The following ANKRD30A variants were observed in gnomAD, a reference collection of about 807,000 sequenced individuals.
The protein encoded by ANKRD30A is ankyrin repeat domain-containing protein 30A.
A neutral mutation model predicts 166.3 loss-of-function variants in ANKRD30A; 170 were observed. The ratio of observed to expected loss-of-function variants is 1.02; its 90% confidence interval spans 0.90 to 1.16. The LOEUF is 1.16. ANKRD30A is among the 50% of genes most tolerant of loss of function. The pLI is 0.00. For missense variants in ANKRD30A, 1,630 were observed against 1,518.0 expected (o/e 1.07, Z -1.23); for synonymous variants, 564 against 508.9 (o/e 1.11, Z -1.46).
intron 34 of ANKRD30A, among the ~76,000 whole-genome samples, chr10:37,224,642 T>G (rs1289326026): frequency 4.0e-5 from 6 of 151,594 alleles, no homozygotes; most frequent in Admixed American, 2.0e-4. Flanking sequence ...TTCAATTTGC[T>G]GAGAACTTTA....
At chr10:37,192,749 T>C (rs1840705747) in intron 25 of ANKRD30A, among the ~76,000 whole-genome samples, 1 of 152,070 alleles carries the variant, frequency 6.6e-6, no homozygotes, top group Admixed American at 6.6e-5. Context: ...TAAATACAAC[T>C]TCTTTCCTTA....
chr10:37,144,736 T>C (rs1456390056), intron 7 of ANKRD30A, among the ~76,000 whole-genome samples: 5 of 152,136 alleles, frequency 3.3e-5, no homozygotes, highest in African/African-American at 1.2e-4. Flanking sequence ...AGGACTTCTT[T>C]TGTGAAGAAA....
intron 31 of ANKRD30A, among the ~76,000 whole-genome samples, chr10:37,208,918 CT>C (rs1031044652): frequency 6.6e-6 from 1 of 152,166 alleles, no homozygotes; most frequent in African/African-American, 2.4e-5. Flanking sequence ...AACCACTGAT[CT>C]TTTTACTCTA....
In ANKRD30A at chr10:37,144,985, CT is replaced by C; in HGVS notation, c.1394-5del. ...TTATCATGAATATATCTGTGATTAA[CT>C]TTTTATAGATCAGAGGTTCCCATCA... On this transcript the variant is annotated splice_polypyrimidine_tract_variant and intron_variant, in intron 7 of 35. Transcript: ENST00000361713. 6.4e-7 allele frequency: 1 copy of C among 1,572,942 alleles called. No homozygotes were observed. Among genetic ancestry groups the C allele is most frequent in the Non-Finnish European group, 8.6e-7 (1 of 1,156,622 alleles).
intron 34 of ANKRD30A, among the ~76,000 whole-genome samples, chr10:37,227,175 C>A (rs568530949): frequency 6.6e-6 from 1 of 151,984 alleles, no homozygotes; most frequent in South Asian, 2.1e-4. Flanking sequence ...TAATGTTAAT[C>A]CATATTTTGA....
intron 1 of ANKRD30A, among the ~76,000 whole-genome samples, chr10:37,129,530 A>T (rs759365733): frequency 4.6e-5 from 7 of 152,190 alleles, no homozygotes; most frequent in Non-Finnish European, 1.0e-4. Context: ...ATAGATTCCC[A>T]TTGAGGCATC....
At chr10:37,252,665 C>T in the ANKRD30A span, among the ~76,000 whole-genome samples, 5 of 150,896 alleles carry the variant, frequency 3.3e-5, no homozygotes, top group East Asian at 7.8e-4. Flanking sequence ...AATATAAACT[C>T]GTTTATAAAA....
At chr10:37,209,073 C>T (rs770459054) in intron 31 of ANKRD30A, among the ~76,000 whole-genome samples, 1 of 152,100 alleles carries the variant, frequency 6.6e-6, no homozygotes, top group Non-Finnish European at 1.5e-5. Context: ...AGTTTATACA[C>T]TCATCTTTCT....
intron 24 of ANKRD30A, chr10:37,178,329 C>T (rs1839895343): frequency 9.0e-6 from 2 of 223,382 alleles, no homozygotes; most frequent in African/African-American, 4.6e-5. Flanking sequence ...ATCTGCACGG[C>T]CACACATGTA....
chr10:37,171,414 A>G (rs1410395598), intron 21 of ANKRD30A, among the ~76,000 whole-genome samples: 1 of 149,286 alleles, frequency 6.7e-6, no homozygotes. Flanking sequence ...CCTACTTTCC[A>G]ATACGCATTA....
At chr10:37,138,465 G>A in intron 6 of ANKRD30A, among the ~76,000 whole-genome samples, 1 of 152,044 alleles carries the variant, frequency 6.6e-6, no homozygotes, top group Non-Finnish European at 1.5e-5. Flanking sequence ...TGGCAAAGAA[G>A]TTAAAAACCT....
At chr10:37,233,676 T>A (rs1843547635), downstream of ANKRD30A, among the ~76,000 whole-genome samples, 1 of 152,180 alleles carries the variant, frequency 6.6e-6, no homozygotes, top group Admixed American at 6.5e-5. Context: ...TTCAGTGACA[T>A]GTTTTCATAC....
chr10:37,183,969 A>C (rs1840227078), intron 24 of ANKRD30A, among the ~76,000 whole-genome samples: 1 of 151,538 alleles, frequency 6.6e-6, no homozygotes, highest in Non-Finnish European at 1.5e-5. Context: ...TAACACGGTG[A>C]AACCCTGTCT....
rs557686588 is a variant in ANKRD30A at position 37,147,025 on chromosome 10, T to C, written c.1456-345T>C. ...GTTATGGCAGGTAGCAAGTGTATTG[T>C]ACTTGTTTGATGTGCCTTCTTGATT... On this transcript the variant is annotated intron_variant, in intron 8 of 35. Coordinates refer to ENST00000361713, the MANE Select transcript of ANKRD30A (RefSeq NM_052997.3). Among the ~76,000 whole-genome samples, 3 of 144,230 alleles carry C rather than the reference T, an allele frequency of 2.1e-5. No individual in the cohort carries two copies. The Admixed American group carries it at 2.1e-4, about 10-fold the overall frequency. 94.6% of individuals were successfully genotyped at this position (144,230 alleles called of 152,430 possible). A position where few individuals can be genotyped will look rare whatever the true frequency, so the allele number is the denominator to read the frequency against.
the ANKRD30A span, among the ~76,000 whole-genome samples, chr10:37,242,550 T>G: frequency 6.6e-6 from 1 of 152,210 alleles, no homozygotes; most frequent in Non-Finnish European, 1.5e-5. Flanking sequence ...TAATAGGTTA[T>G]GACTTGTTAA....
At chr10:37,132,176 G>A in intron 3 of ANKRD30A, 64 bp from the exon 4 acceptor site, 1 of 1,102,122 alleles carries the variant, frequency 9.1e-7, no homozygotes. Flanking sequence ...TATTATATAA[G>A]GTATTCAGTT....
downstream of ANKRD30A, chr10:37,232,697 T>TATATAGAGAGAGAGAGAG (rs1273812991): frequency 1.3e-5 from 1 of 78,408 alleles, no homozygotes; most frequent in African/African-American, 4.9e-5. Context: ...TATATATAAA[T>TATATAGAGAGAGAGAGAG]AGAGAGAGAG....
At chr10:37,194,565 C>T (rs980638846) in intron 27 of ANKRD30A, among the ~76,000 whole-genome samples, 5 of 151,926 alleles carry the variant, frequency 3.3e-5, no homozygotes, top group East Asian at 1.9e-4. Context: ...TGGTCTGATC[C>T]GGATCTCCTG....
the ANKRD30A span, among the ~76,000 whole-genome samples, chr10:37,261,435 A>G: frequency 3.3e-5 from 5 of 152,312 alleles, no homozygotes; most frequent in East Asian, 1.9e-4. Context: ...TTATATTCAT[A>G]TAGTTATCTT....
Sources: gnomAD v4.1 joint callset for allele counts (sites outside exome capture counted in the v4.1 genomes callset) on GRCh38, gnomAD v4.1.1 for gene constraint, MANE v1.5 for transcripts, NCBI Gene and HGNC (gene_info 2026-07-23, HGNC 2026-07-21) for gene names.